The following SOSTDC1 variants were observed in gnomAD, a reference collection of about 807,000 sequenced individuals.
The protein encoded by SOSTDC1 is sclerostin domain containing 1.
SOSTDC1 carries 7 observed loss-of-function variants against 15.1 expected under a neutral mutation model. The observed-to-expected ratio is 0.46, with a 90% CI of 0.26 to 0.87. The LOEUF is 0.87. SOSTDC1 is among the 40% of genes least tolerant of loss of function. SOSTDC1 has a pLI of 0.15. For missense variants in SOSTDC1, 242 were observed against 259.2 expected (o/e 0.93, Z 0.46); for synonymous variants, 94 against 93.2 (o/e 1.01, Z -0.05).
chr7:16,465,679 G>C lies in SOSTDC1; in HGVS notation c.-11C>G, dbSNP rs374033488. 257 of 1,611,526 alleles carry C rather than the reference G, an allele frequency of 1.6e-4. No individual in the cohort carries two copies. The highest frequency in any genetic ancestry group is 2.1e-4 in the Non-Finnish European group (242 of 1,178,002). On this transcript the variant is annotated 5_prime_UTR_variant, in exon 1 of 2. Coordinates refer to ENST00000307068, the MANE Select transcript of SOSTDC1 (RefSeq NM_015464.3). Reference sequence around the variant, plus strand: ...GGCAGGAGGAAGCATGGTGAGTAGAGGATTTGCTTGACTGAAGAGCTGGTT... The same window carrying C: ...GGCAGGAGGAAGCATGGTGAGTAGACGATTTGCTTGACTGAAGAGCTGGTT...
intron 1 of SOSTDC1, 97 bp downstream of exon 1, chr7:16,465,367 C>T (rs182371609): frequency 2.9e-5 from 30 of 1,036,994 alleles, no homozygotes; most frequent in Non-Finnish European, 3.8e-5. Context: ...AACATATATA[C>T]GGTTCAGGTT....
chr7:16,462,402 T>C lies in SOSTDC1; in HGVS notation c.*146A>G. The C allele has an allele frequency of 2.4e-6, 2 of 831,462 alleles. No individual in the cohort carries two copies. The highest frequency in any genetic ancestry group is 1.8e-5 in the South Asian group (1 of 54,742). The allele number at this position is 831,462 out of a possible 1,614,324, so 51.5% of individuals were successfully genotyped here. ...AAACTATTCCCAAAGAAGGTCCTGA[T>C]ACTTAAGACAGCTTGCTGGGTTTGA... On this transcript the variant is annotated 3_prime_UTR_variant, in exon 2 of 2. Transcript: ENST00000307068.
At chr7:16,463,642 C>A (rs1781248882) in intron 1 of SOSTDC1, among the ~76,000 whole-genome samples, 1 of 152,132 alleles carries the variant, frequency 6.6e-6, no homozygotes, top group African/African-American at 2.4e-5. Flanking sequence ...GCCACTACAA[C>A]TCAAGACTCA....
At chr7:16,464,451 T>C (rs1415996177) in intron 1 of SOSTDC1, 2 of 1,096,008 alleles carry the variant, frequency 1.8e-6, no homozygotes, top group Non-Finnish European at 2.7e-6. Flanking sequence ...ACCCACCACA[T>C]TGCTCAGTAA....
At chr7:16,465,113 T>C (rs1168139985) in intron 1 of SOSTDC1, among the ~76,000 whole-genome samples, 1 of 152,172 alleles carries the variant, frequency 6.6e-6, no homozygotes, top group Non-Finnish European at 1.5e-5. Context: ...TGCCCTGAAA[T>C]AAATTGACAA....
intron 1 of SOSTDC1, 69 bp downstream of exon 1, chr7:16,465,394 AT>A: frequency 7.4e-7 from 1 of 1,343,396 alleles, no homozygotes; most frequent in Non-Finnish European, 1.1e-6. Flanking sequence ...CAATAAAACA[AT>A]TCTACAGGAA....
rs540348040 is a variant in SOSTDC1, at chr7:16,462,828, A to G, written c.341T>C (p.Ile114Thr). 4 of 1,614,138 alleles carry G rather than the reference A, an allele frequency of 2.5e-6. No individual in the cohort carries two copies. Among genetic ancestry groups the G allele is most frequent in the East Asian group, 2.2e-5 (1 of 44,874 alleles). ...CLPLPVLPNW[I>T]GGGYGTKYWS... is the part of the protein sequence containing the mutation. ...GTACTTTGTTCCATAGCCTCCTCCA[A>G]TCCAGTTAGGGAGCACTGGCAGGGG... The change falls in exon 2 of 2, where the codon ATT becomes ACT. Residue 114 changes from isoleucine to threonine, a missense_variant. Physicochemically the swap from Ile to Thr is moderately conservative, Grantham distance 89. Coordinates refer to ENST00000307068, the MANE Select transcript of SOSTDC1 (RefSeq NM_015464.3).
At chr7:16,464,168 T>C (rs1781257095) in intron 1 of SOSTDC1, 4 of 650,488 alleles carry the variant, frequency 6.1e-6, no homozygotes, top group South Asian at 1.8e-5. Context: ...GTAAGAGATA[T>C]AGCTTAAGGG....
Position 16,462,924 on chromosome 7 carries a change from T to A in SOSTDC1, c.245A>T (p.Lys82Ile). The A allele has an allele frequency of 6.3e-7, 1 of 1,596,724 alleles. No homozygotes were observed. Among genetic ancestry groups the A allele is most frequent in the Non-Finnish European group, 8.6e-7 (1 of 1,167,442 alleles). Residue 82 changes from lysine (K) to isoleucine (I), a missense_variant, in exon 2 of 2, where the codon AAA (lysine) becomes ATA (isoleucine). Lys to Ile is a moderately radical substitution (Grantham distance 102). Transcript: ENST00000307068. ...GGTGCACTGGCCATCAGAGATGTAT[T>A]TGGTGGAACGCAGTTCCCGGCAACC... is the stretch of plus-strand genomic sequence containing the variant. ...QVGCRELRSTKYISDGQCTSI... is the reference protein window; with the variant it reads ...QVGCRELRSTIYISDGQCTSI...
At chr7:16,463,304 T>G (rs1289375687) in intron 1 of SOSTDC1, among the ~76,000 whole-genome samples, 1 of 152,190 alleles carries the variant, frequency 6.6e-6, no homozygotes, top group Non-Finnish European at 1.5e-5. Flanking sequence ...TCCATTTATG[T>G]GTAAATATTC....
At position 16,462,252 on chromosome 7, in the gene SOSTDC1, C is replaced by T; in HGVS notation, c.*296G>A. On this transcript the variant is annotated 3_prime_UTR_variant, in exon 2 of 2. Transcript: ENST00000307068. Reference sequence around the variant, plus strand: ...TTTTCTGTTTTAAAATATAATGATTCACTGATGTTTATAGTATCAACAGTC... The same window carrying T: ...TTTTCTGTTTTAAAATATAATGATTTACTGATGTTTATAGTATCAACAGTC... 7.1e-6 allele frequency: 2 copies of T among 280,616 alleles called. No individual in the cohort carries two copies. Among genetic ancestry groups the T allele is most frequent in the Non-Finnish European group, 1.3e-5 (2 of 149,386 alleles). 17.4% of individuals were successfully genotyped at this position (280,616 alleles called of 1,614,324 possible).
intron 1 of SOSTDC1, among the ~76,000 whole-genome samples, chr7:16,463,838 G>A (rs1478352806): frequency 1.3e-5 from 2 of 152,124 alleles, no homozygotes; most frequent in Admixed American, 6.6e-5. Flanking sequence ...GATTTGATAG[G>A]TATGTTCTCT....
At position 16,462,552 on chromosome 7, in the gene SOSTDC1, C is replaced by A. The variant is rs375408895; in HGVS notation, c.617G>T (p.Ser206Ile). 1 of 1,614,000 alleles carries A rather than the reference C, an allele frequency of 6.2e-7. No homozygotes were observed. Reference protein sequence around the residue: ...RASKSSKHSMS With the variant: ...RASKSSKHSMI ...CTAGTTATGGGAGTCTGAGTTCTAACTCATGCTGTGCTTGCTGGATTTGCT... is the reference window on the plus strand; with the variant it reads ...CTAGTTATGGGAGTCTGAGTTCTAAATCATGCTGTGCTTGCTGGATTTGCT... The change falls in exon 2 of 2, where the codon AGT becomes ATT. Residue 206 changes from serine to isoleucine, a missense_variant. Ser to Ile is a moderately radical substitution (Grantham distance 142, BLOSUM62 -2). Coordinates refer to ENST00000307068, the MANE Select transcript of SOSTDC1 (RefSeq NM_015464.3).
intron 1 of SOSTDC1, among the ~76,000 whole-genome samples, chr7:16,463,523 G>A (rs982931798): frequency 6.6e-6 from 1 of 152,096 alleles, no homozygotes; most frequent in Non-Finnish European, 1.5e-5. Context: ...ACATACATGT[G>A]TACAACATCT....
chr7:16,462,431 A>T lies in SOSTDC1; in HGVS notation c.*117T>A. On this transcript the variant is annotated 3_prime_UTR_variant, in exon 2 of 2. Coordinates refer to ENST00000307068, the MANE Select transcript of SOSTDC1 (RefSeq NM_015464.3). ...TAAGACAGCTTGCTGGGTTTGATCAAAGCAGAAAGCATATACTTTCAAGTG... is the reference window on the plus strand; with the variant it reads ...TAAGACAGCTTGCTGGGTTTGATCATAGCAGAAAGCATATACTTTCAAGTG... 1 of 1,136,060 alleles carries T rather than the reference A, an allele frequency of 8.8e-7. No homozygotes were observed. Among genetic ancestry groups the T allele is most frequent in the Non-Finnish European group, 1.3e-6 (1 of 783,260 alleles). The allele number at this position is 1,136,060 out of a possible 1,614,324, so 70.4% of individuals were successfully genotyped here. A position where few individuals can be genotyped will look rare whatever the true frequency, so the allele number is the denominator to read the frequency against.
chr7:16,461,568 T>G lies in SOSTDC1; in HGVS notation c.*980A>C, dbSNP rs530585995. 6.6e-6 allele frequency: 1 copy of G among 152,342 alleles called. No homozygotes were observed. Among genetic ancestry groups the G allele is most frequent in the East Asian group, 1.9e-4 (1 of 5,190 alleles). The allele number at this position is 152,342 out of a possible 1,614,324, so 9.4% of individuals were successfully genotyped here. A position where few individuals can be genotyped will look rare whatever the true frequency, so the allele number is the denominator to read the frequency against. On this transcript the variant is annotated 3_prime_UTR_variant, in exon 2 of 2. Transcript: ENST00000307068. ...TAACTTTTAGCAGTGTTTATTTTTG[T>G]TAAAAGAAACCAATTGAATTGAAGG...
chr7:16,465,414 A>T, intron 1 of SOSTDC1, 50 bp downstream of exon 1: 1 of 1,454,116 alleles, frequency 6.9e-7, no homozygotes, highest in Non-Finnish European at 9.5e-7. Flanking sequence ...AATGTGAGCT[A>T]ATGCTACCAG....
chr7:16,465,340 C>T, intron 1 of SOSTDC1, 124 bp downstream of exon 1: 1 of 807,110 alleles, frequency 1.2e-6, no homozygotes, highest in Non-Finnish European at 2.0e-6. Flanking sequence ...CAGCAGATTA[C>T]TCCCAAATTG....
At position 16,462,731 on chromosome 7, in the gene SOSTDC1, C is replaced by T. The variant is rs147807617; in HGVS notation, c.438G>A (p.Gln146=). The change falls in exon 2 of 2, where the codon CAG becomes CAA. Residue 146 remains glutamine (Q), a synonymous_variant. Transcript: ENST00000307068. ...DKTRTQRIQL[Q]CQDGSTRTYK... ...AGGTGCGTGTGCTGCCATCTTGGCA[C>T]TGCAGCTGGATTCTCTGGGTACGGG... The T allele has an allele frequency of 3.1e-6, 5 of 1,614,098 alleles. No homozygotes were observed. In the African/African-American group the frequency reaches 6.7e-5, roughly 22 times the overall value.
Sources: gnomAD v4.1 joint callset for allele counts (sites outside exome capture counted in the v4.1 genomes callset) on GRCh38, gnomAD v4.1.1 for gene constraint, MANE v1.5 for transcripts, NCBI Gene and HGNC (gene_info 2026-07-23, HGNC 2026-07-21) for gene names.